Variants in BARHL2 observed in about 807,000 individuals in gnomAD.
BARHL2 encodes the protein barH-like 2 homeobox protein.
Under a neutral mutation model 27.1 loss-of-function variants are expected in BARHL2, and 10 were observed. The ratio of observed to expected loss-of-function variants is 0.37; its 90% CI spans 0.23 to 0.63. BARHL2 has a LOEUF of 0.63. BARHL2 is among the 20% of genes least tolerant of loss of function. The pLI, the probability that BARHL2 is intolerant of heterozygous loss-of-function variation, is 0.65. For synonymous variants in BARHL2, 248 were observed against 224.7 expected, an observed-to-expected ratio of 1.10 and a Z score of -0.93; for missense variants, 483 against 533.5, an observed-to-expected ratio of 0.91 and a Z score of 0.93.
Position 90,712,522 on chromosome 1 carries a change from G to A in BARHL2, c.954C>T (p.His318=). ...TGTCCATGCTGCCCAGCAGGCTTGGGTGATAGAAATAAGGCGATGGAAACA... is the reference window on the plus strand; with the variant it reads ...TGTCCATGCTGCCCAGCAGGCTTGGATGATAGAAATAAGGCGATGGAAACA... ...QRMFPSPYFY[H]PSLLGSMDST... Residue 318 remains histidine, a synonymous_variant, in exon 3 of 3, where the codon CAC becomes CAT. Transcript: ENST00000370445. 6.2e-7 allele frequency: 1 copy of A among 1,614,112 alleles called. No homozygotes were observed. The highest frequency in any genetic ancestry group is 8.5e-7 in the Non-Finnish European group (1 of 1,180,014).
intron 1 of BARHL2, among the ~76,000 whole-genome samples, chr1:90,714,961 T>C (rs1039472852): frequency 6.6e-6 from 1 of 152,192 alleles, no homozygotes. Context: ...TATGGGACCT[T>C]GTTTAGAGTT....
chr1:90,715,170 CTTTTTT>C (rs35625130), intron 1 of BARHL2, among the ~76,000 whole-genome samples: 4 of 66,322 alleles, frequency 6.0e-5, no homozygotes, highest in African/African-American at 2.5e-4. Context: ...TCCCTCTACT[CTTTTTT>C]TTTTTTTTTT....
At position 90,716,976 on chromosome 1, in the gene BARHL2, C is replaced by G; in HGVS notation, c.220G>C (p.Glu74Gln). ...GTCGCGTCTGCTACCAGATGCGGCT[C>G]CGGGGGCTCCATGGTGACTGAGATA... is the stretch of plus-strand genomic sequence containing the variant. Reference protein sequence around the residue: ...SPISVTMEPPEPHLVADATQH... With the variant: ...SPISVTMEPPQPHLVADATQH... The change falls in exon 1 of 3, where the codon GAG becomes CAG. Residue 74 changes from glutamate to glutamine, a missense_variant. Physicochemically the swap from Glu to Gln is conservative, Grantham distance 29. Transcript: ENST00000370445. 1 of 1,613,438 alleles carries G rather than the reference C, an allele frequency of 6.2e-7. No homozygotes were observed. The highest frequency in any genetic ancestry group is 8.5e-7 in the Non-Finnish European group (1 of 1,179,746).
rs1292476644 is a variant in BARHL2, at chr1:90,714,597, C to A, written c.785G>T (p.Arg262Leu). 1 of 1,614,212 alleles carries A rather than the reference C, an allele frequency of 6.2e-7. No individual in the cohort carries two copies. Among genetic ancestry groups the A allele is most frequent in the Non-Finnish European group, 8.5e-7 (1 of 1,180,038 alleles). The change falls in exon 2 of 3, where the codon CGC becomes CTC. Residue 262 changes from arginine (R) to leucine (L), a missense_variant. Physicochemically the swap from Arg to Leu is moderately radical, Grantham distance 102. Around this residue, in one of 3 missense-constraint regions of BARHL2, gnomAD observed 49 missense variants for 110.6 expected, o/e 0.44. Transcript: ENST00000370445. ...ERQKYLSVQDRMDLAAALNLT... is the reference protein window; with the variant it reads ...ERQKYLSVQDLMDLAAALNLT... ...GTTGAGCGCTGCAGCCAGGTCCATGCGATCCTGCACGCTCAGGTACTTCTG... is the reference window on the plus strand; with the variant it reads ...GTTGAGCGCTGCAGCCAGGTCCATGAGATCCTGCACGCTCAGGTACTTCTG...
intron 1 of BARHL2, 41 bp downstream of exon 1, chr1:90,716,530 G>A: frequency 6.3e-7 from 1 of 1,596,060 alleles, no homozygotes. Flanking sequence ...GAACCAGGAG[G>A]ACAAGCTAGA....
At position 90,712,459 on chromosome 1, in the gene BARHL2, G is replaced by A. The variant is rs1175005463; in HGVS notation, c.1017C>T (p.Ser339=). Residue 339 remains serine (S), a synonymous_variant, in exon 3 of 3, where the codon AGC becomes AGT. Coordinates refer to ENST00000370445, the MANE Select transcript of BARHL2 (RefSeq NM_020063.2). Reference sequence around the variant, plus strand: ...GTGCTGGAGGAGTCCGGTACATGCTGCTGTACATGGCAGCGGCAGCCGCCG... The same window carrying A: ...GTGCTGGAGGAGTCCGGTACATGCTACTGTACATGGCAGCGGCAGCCGCCG... The part of the protein sequence containing the change: ...TAAAAAAAMY[S]SMYRTPPAPH... 1 of 1,613,340 alleles carries A rather than the reference G, an allele frequency of 6.2e-7. No homozygotes were observed. Among genetic ancestry groups the A allele is most frequent in the Non-Finnish European group, 8.5e-7 (1 of 1,179,746 alleles).
intron 1 of BARHL2, among the ~76,000 whole-genome samples, chr1:90,715,592 T>C (rs1236521490): frequency 1.3e-5 from 2 of 152,204 alleles, no homozygotes; most frequent in Admixed American, 1.3e-4. Context: ...ACTGTACATC[T>C]GTTTTGGACA....
chr1:90,716,644 T>C lies in BARHL2; in HGVS notation c.552A>G (p.Pro184=). ...ESNAVHESFR[P]KLEQEDSKTK... ...TCTTGCTGTCCTCCTGCTCGAGCTT[T>C]GGCCTGAAGCTCTCGTGCACTGCGT... is the stretch of plus-strand genomic sequence containing the variant. Residue 184 remains proline, a synonymous_variant, in exon 1 of 3, where the codon CCA becomes CCG. Coordinates refer to ENST00000370445, the MANE Select transcript of BARHL2 (RefSeq NM_020063.2). The C allele has an allele frequency of 6.2e-7, 1 of 1,614,078 alleles. No individual in the cohort carries two copies. Among genetic ancestry groups the C allele is most frequent in the Non-Finnish European group, 8.5e-7 (1 of 1,179,994 alleles).
At chr1:90,715,966 T>C (rs1157228849) in intron 1 of BARHL2, among the ~76,000 whole-genome samples, 2 of 152,110 alleles carry the variant, frequency 1.3e-5, no homozygotes, top group African/African-American at 4.8e-5. Flanking sequence ...GTTGAGGCCA[T>C]AGGGTAAGAA....
Position 90,716,995 on chromosome 1 carries a change from T to G in BARHL2, c.201A>C (p.Ser67=), listed in dbSNP as rs977212420. 4.3e-6 allele frequency: 7 copies of G among 1,613,530 alleles called. No homozygotes were observed. Among genetic ancestry groups the G allele is most frequent in the African/African-American group, 1.3e-5 (1 of 74,826 alleles). Residue 67 remains serine (S), a synonymous_variant, in exon 1 of 3, where the codon TCA becomes TCC. Coordinates refer to ENST00000370445, the MANE Select transcript of BARHL2 (RefSeq NM_020063.2). ...GCGGCTCCGGGGGCTCCATGGTGACTGAGATAGGAGAAGAAGGCGCCGTCC... is the reference window on the plus strand; with the variant it reads ...GCGGCTCCGGGGGCTCCATGGTGACGGAGATAGGAGAAGAAGGCGCCGTCC... ...TVGTAPSSPI[S]VTMEPPEPHL...
At position 90,712,467 on chromosome 1, in the gene BARHL2, T is replaced by C. The variant is rs772227323; in HGVS notation, c.1009A>G (p.Met337Val). ...GGAGTCCGGTACATGCTGCTGTACA[T>C]GGCAGCGGCAGCCGCCGCCGCCGTA... ...STTAAAAAAA[M>V]YSSMYRTPPA... Residue 337 changes from methionine to valine, a missense_variant, in exon 3 of 3, where the codon ATG becomes GTG. Around this residue, in one of 3 missense-constraint regions of BARHL2, gnomAD observed 130 missense variants for 138.0 expected, o/e 0.94. Coordinates refer to ENST00000370445, the MANE Select transcript of BARHL2 (RefSeq NM_020063.2). 2 of 1,612,496 alleles carry C rather than the reference T, an allele frequency of 1.2e-6. No individual in the cohort carries two copies. Among genetic ancestry groups the C allele is most frequent in the Admixed American group, 1.7e-5 (1 of 59,926 alleles).
At position 90,712,262 on chromosome 1, in the gene BARHL2, G is replaced by T. The variant is rs1292958452; in HGVS notation, c.*50C>A. The T allele has an allele frequency of 7.1e-7, 1 of 1,416,772 alleles. No individual in the cohort carries two copies. The highest frequency in any genetic ancestry group is 9.2e-7 in the Non-Finnish European group (1 of 1,084,164). 87.8% of individuals were successfully genotyped at this position (1,416,772 alleles called of 1,614,324 possible). A position where few individuals can be genotyped will look rare whatever the true frequency, so the allele number is the denominator to read the frequency against. ...AGGGAGAGGACGGGCAGCAGTCCGG[G>T]TTGGGCAGGGATATGGGGAAGGGAT... is the stretch of plus-strand genomic sequence containing the variant. On this transcript the variant is annotated 3_prime_UTR_variant, in exon 3 of 3. Coordinates refer to ENST00000370445, the MANE Select transcript of BARHL2 (RefSeq NM_020063.2).
chr1:90,712,739 G>T, intron 2 of BARHL2, 115 bp from the exon 3 acceptor site: 1 of 1,102,656 alleles, frequency 9.1e-7, no homozygotes, highest in Non-Finnish European at 1.3e-6. Flanking sequence ...CTGGGTGGCA[G>T]GAAGACTCAG....
At chr1:90,714,377 C>A (rs1658100562) in intron 2 of BARHL2, among the ~76,000 whole-genome samples, 154 bp downstream of exon 2, 1 of 152,220 alleles carries the variant, frequency 6.6e-6, no homozygotes, top group Admixed American at 6.5e-5. Flanking sequence ...GGGGGTGTGG[C>A]TCATCCCTGC....
chr1:90,715,786 T>C (rs1658131321), intron 1 of BARHL2, among the ~76,000 whole-genome samples: 1 of 152,134 alleles, frequency 6.6e-6, no homozygotes. Context: ...CTTATGAAAT[T>C]GTCTGATGAG....
rs1181479172 is a variant in BARHL2, at chr1:90,712,389, G to T, written c.1087C>A (p.His363Asn). The change falls in exon 3 of 3, where the codon CAC becomes AAC. Residue 363 changes from histidine (H) to asparagine (N), a missense_variant. Coordinates refer to ENST00000370445, the MANE Select transcript of BARHL2 (RefSeq NM_020063.2). ...GGCTGTCCCCCAGGCCCTAGGCCGT[G>T]GATGAGCACACGGGGCACCAGGGGC... is the stretch of plus-strand genomic sequence containing the variant. ...QRPLVPRVLI[H>N]GLGPGGQPAL... 6.3e-7 allele frequency: 1 copy of T among 1,589,056 alleles called. No individual in the cohort carries two copies. Among genetic ancestry groups the T allele is most frequent in the Admixed American group, 1.8e-5 (1 of 56,604 alleles).
chr1:90,715,122 A>G (rs971671157), intron 1 of BARHL2, among the ~76,000 whole-genome samples: 10 of 140,806 alleles, frequency 7.1e-5, no homozygotes, highest in Non-Finnish European at 1.1e-4. Flanking sequence ...TGTTTTCAGT[A>G]TGACTTTGTT....
At chr1:90,715,796 G>A (rs1302751920) in intron 1 of BARHL2, among the ~76,000 whole-genome samples, 2 of 151,526 alleles carry the variant, frequency 1.3e-5, no homozygotes, top group Non-Finnish European at 2.9e-5. Flanking sequence ...TGTCTGATGA[G>A]AAAATGGAAA....
chr1:90,713,002 T>C (rs984605292), intron 2 of BARHL2, among the ~76,000 whole-genome samples: 3 of 152,070 alleles, frequency 2.0e-5, no homozygotes, highest in Non-Finnish European at 4.4e-5. Flanking sequence ...CCTTCCTTAG[T>C]TCCCCTTCCA....
Sources: gnomAD v4.1 joint callset for allele counts (sites outside exome capture counted in the v4.1 genomes callset) on GRCh38, gnomAD v4.1.1 for gene constraint, gnomAD v4.1.1 regional missense constraint, MANE v1.5 for transcripts, NCBI Gene and HGNC (gene_info 2026-07-23, HGNC 2026-07-21) for gene names.